Variants in PKD1 observed in about 807,000 individuals in gnomAD.
The protein encoded by PKD1 is polycystin 1, transient receptor potential channel interacting, also known as polycystin-1.
A neutral mutation model predicts 361.7 loss-of-function variants in PKD1; 81 were observed. That is an observed-to-expected ratio of 0.22 (90% CI 0.19 to 0.27). PKD1 has a LOEUF of 0.27. PKD1 is among the 10% of genes least tolerant of loss of function. PKD1 has a pLI of 1.00. For missense variants in PKD1, 6,399 were observed against 6,118.3 expected, an observed-to-expected ratio of 1.05 and a Z score of -1.53; for synonymous variants, 3,615 against 2,818.3, an observed-to-expected ratio of 1.28 and a Z score of -8.95.
At chr16:2,128,421 A>G (rs1370029673) in intron 1 of PKD1, among the ~76,000 whole-genome samples, 1 of 151,098 alleles carries the variant, frequency 6.6e-6, no homozygotes, top group Non-Finnish European at 1.5e-5. Flanking sequence ...GTGCAAGCAC[A>G]TCGCAGCCCG....
At chr16:2,113,653 C>T in intron 11 of PKD1, 1 of 408,908 alleles carries the variant, frequency 2.4e-6, no homozygotes. Context: ...GGGGAGGCAC[C>T]TACACTGGCT....
chr16:2,118,042 G>T lies in PKD1; in HGVS notation c.950C>A (p.Ala317Asp). The T allele has an allele frequency of 6.2e-7, 1 of 1,602,874 alleles. No individual in the cohort carries two copies. The highest frequency in any genetic ancestry group is 8.5e-7 in the Non-Finnish European group (1 of 1,178,944). The change falls in exon 5 of 46, where the codon GCT becomes GAT. Residue 317 changes from alanine (A) to aspartate (D), a missense_variant. Coordinates refer to ENST00000262304, the MANE Select transcript of PKD1 (RefSeq NM_001009944.3). The surrounding 1 kb of genome is among the most constrained non-coding windows in gnomAD (Gnocchi z 6.0). ...FGDGSAEVDA[A>D]GPAASHRYVL... ...ATAGCGATGCGAGGCAGCCGGCCCA[G>T]CGGCATCCACCTCGGCGGAGCCGTC...
In PKD1 at chr16:2,116,163, C is replaced by A. The variant is rs773310661; in HGVS notation, c.1723-45G>T. On this transcript the variant is annotated intron_variant, in intron 8 of 45. Transcript: ENST00000262304. ...CTCAGCTCCACAGACCCCATCCCAGCCTGAAGCCCAGACTCCCCCTACCCG... is the reference window on the plus strand; with the variant it reads ...CTCAGCTCCACAGACCCCATCCCAGACTGAAGCCCAGACTCCCCCTACCCG... The A allele has an allele frequency of 5.7e-5, 88 of 1,550,302 alleles. No homozygotes were observed. Among genetic ancestry groups the A allele is most frequent in the Admixed American group, 8.9e-5 (5 of 56,242 alleles).
Position 2,097,858 on chromosome 16 carries a change from G to A in PKD1, c.10167+10C>T, listed in dbSNP as rs765082209. ...CCAGCCCAGCCCAGGACCCCCAGTAGAGTCCTCACCTCAGCGTGGAGGCCT... is the reference window on the plus strand; with the variant it reads ...CCAGCCCAGCCCAGGACCCCCAGTAAAGTCCTCACCTCAGCGTGGAGGCCT... On this transcript the variant is annotated intron_variant, in intron 31 of 45. Transcript: ENST00000262304. 1 of 1,607,328 alleles carries A rather than the reference G, an allele frequency of 6.2e-7. No homozygotes were observed. Among genetic ancestry groups the A allele is most frequent in the Non-Finnish European group, 8.5e-7 (1 of 1,176,374 alleles).
At chr16:2,101,445 C>T (rs2092092976) in intron 26 of PKD1, among the ~76,000 whole-genome samples, 1 of 151,974 alleles carries the variant, frequency 6.6e-6, no homozygotes, top group African/African-American at 2.4e-5. Context: ...GTCAGGAGTT[C>T]GCCTGGCTGA....
intron 1 of PKD1, among the ~76,000 whole-genome samples, chr16:2,129,310 CACT>C (rs1292126883): frequency 6.6e-6 from 1 of 151,372 alleles, no homozygotes; most frequent in Non-Finnish European, 1.5e-5. Context: ...CAGGCGCCAC[CACT>C]AATATCTATT....
At position 2,090,940 on chromosome 16, in the gene PKD1, G is replaced by A. The variant is rs1232550438; in HGVS notation, c.11947C>T (p.Leu3983=). The A allele has an allele frequency of 3.2e-6, 5 of 1,572,206 alleles. No individual in the cohort carries two copies. The highest frequency in any genetic ancestry group is 3.4e-6 in the Non-Finnish European group (4 of 1,165,976). Residue 3983 remains leucine, a synonymous_variant, in exon 43 of 46, where the codon CTG becomes TTG. Transcript: ENST00000262304. ...RFTSFDQVAQ[L]SSAARGLAAS... is the part of the protein sequence containing the mutation. ...GCCAGGCCACGGGCTGCGGAGCTCA[G>A]CTGCGCCACCTGGTCGAAGCTAGTG...
intron 1 of PKD1, among the ~76,000 whole-genome samples, chr16:2,125,863 G>A (rs952105109): frequency 5.3e-5 from 8 of 152,186 alleles, no homozygotes; most frequent in African/African-American, 1.9e-4. Context: ...GGCAGGTGCT[G>A]CACTGACCTT....
chr16:2,092,689 C>G (rs1259252791), intron 38 of PKD1, 97 bp from the exon 39 acceptor site: 4 of 944,202 alleles, frequency 4.2e-6, no homozygotes, highest in Non-Finnish European at 6.7e-6. Context: ...CTCCCACTGC[C>G]CTGCTGGCCA....
intron 11 of PKD1, 32 bp downstream of exon 11, chr16:2,114,138 G>T (rs1474199289): frequency 3.8e-6 from 6 of 1,586,310 alleles, no homozygotes; most frequent in Non-Finnish European, 5.1e-6. Context: ...CACCTGCCTG[G>T]GGGCTGGTGG....
rs1162132889 is a variant in PKD1, at chr16:2,091,319, G to GCGGGGCCCTGCGA, written c.11712+103_11712+104insTCGCAGGGCCCCG. The GCGGGGCCCTGCGA allele has an allele frequency of 8.6e-6, 3 of 349,784 alleles. No homozygotes were observed. In the African/African-American group the frequency reaches 2.8e-4, roughly 33 times the overall value. The allele number at this position is 349,784 out of a possible 1,614,324, so 21.7% of individuals were successfully genotyped here. ...CTGCGAGGGGGCGGGACGCTGCGAGGGGGCGGGGCGCTGCGAGGGGTGAGA... is the reference window on the plus strand; with the variant it reads ...CTGCGAGGGGGCGGGACGCTGCGAGGCGGGGCCCTGCGAGGGCGGGGCGCTGCGAGGGGTGAGA... On this transcript the variant is annotated intron_variant, in intron 42 of 45. Transcript: ENST00000262304.
chr16:2,105,013 A>G (rs1320628293), intron 21 of PKD1, among the ~76,000 whole-genome samples: 3 of 77,114 alleles, frequency 3.9e-5, no homozygotes, highest in Non-Finnish European at 8.2e-5. Flanking sequence ...GGAGGAGGGG[A>G]GGGGCTAGGG....
In PKD1 at chr16:2,118,021, C is replaced by A. The variant is rs199476099; in HGVS notation, c.971G>T (p.Arg324Leu). The A allele has an allele frequency of 3.2e-3, 5,097 of 1,595,092 alleles. 22 individuals are homozygous for A. Among genetic ancestry groups the A allele is most frequent in the Non-Finnish European group, 3.8e-3 (4,447 of 1,175,510 alleles). Residue 324 changes from arginine (R) to leucine (L), a missense_variant, in exon 5 of 46, where the codon CGC becomes CTC. By Grantham distance (102) the Arg-to-Leu change is moderately radical (BLOSUM62 -2). Transcript: ENST00000262304. This position sits in a 1 kb window ranked among gnomAD's most constrained non-coding sequence, Gnocchi z 6.0. ...VDAAGPAASH[R>L]YVLPGRYHVT... ...GTGATAGCGCCCAGGCAGCACATAG[C>A]GATGCGAGGCAGCCGGCCCAGCGGC... is the stretch of plus-strand genomic sequence containing the variant.
chr16:2,100,547 G>A lies in PKD1; in HGVS notation c.9417C>T (p.Gly3139=). 6 of 1,610,354 alleles carry A rather than the reference G, an allele frequency of 3.7e-6. No homozygotes were observed. Among genetic ancestry groups the A allele is most frequent in the East Asian group, 2.2e-5 (1 of 44,872 alleles). ...GRGSGTTAHV[G]IMLYGVDSRS... is the part of the protein sequence containing the mutation. ...GGCTGTCCACCCCATACAGCATGAT[G>A]CCCACGTGGGCCGTGGTACCTGGGA... The change falls in exon 27 of 46, where the codon GGC becomes GGT. Residue 3139 remains glycine, a synonymous_variant. Transcript: ENST00000262304. This position sits in a 1 kb window ranked among gnomAD's most constrained non-coding sequence, Gnocchi z 4.4.
In PKD1 at chr16:2,104,573, G is replaced by C. The variant is rs143923681; in HGVS notation, c.8086C>G (p.Leu2696Val). The C allele has an allele frequency of 1.9e-5, 31 of 1,601,134 alleles. No homozygotes were observed. Among genetic ancestry groups the C allele is most frequent in the Admixed American group, 5.1e-5 (3 of 59,330 alleles). The part of the protein sequence containing the change: ...QTLHKLEAMM[L>V]ILQAETTAGT... ...GCGGTGGTCTCTGCCTGCAGGATGAGCATCATGGCCTCCAGCTTGTGCAGC... is the reference window on the plus strand; with the variant it reads ...GCGGTGGTCTCTGCCTGCAGGATGACCATCATGGCCTCCAGCTTGTGCAGC... Residue 2696 changes from leucine to valine, a missense_variant, in exon 22 of 46, where the codon CTC becomes GTC. By Grantham distance (32) the Leu-to-Val change is conservative (BLOSUM62 1). Transcript: ENST00000262304.
At chr16:2,129,725 T>C (rs552130835) in intron 1 of PKD1, among the ~76,000 whole-genome samples, 1 of 151,464 alleles carries the variant, frequency 6.6e-6, no homozygotes, top group African/African-American at 2.4e-5. Flanking sequence ...AATGTTCTTT[T>C]ATTTTTTAGA....
Position 2,118,240 on chromosome 16 carries a change from G to A in PKD1, c.752C>T (p.Pro251Leu). The change falls in exon 5 of 46, where the codon CCC becomes CTC. Residue 251 changes from proline to leucine, a missense_variant. Pro to Leu is a moderately conservative substitution (Grantham distance 98). Transcript: ENST00000262304. This position sits in a 1 kb window ranked among gnomAD's most constrained non-coding sequence, Gnocchi z 6.0. ...ACAGGTGGGGGCAGGAGGTGGCGGG[G>A]GGCCGGAGCAGAGGGACAGGCAGGC... ...SFACLSLCSG[P>L]PPPPAPTCRG... 2 of 1,531,332 alleles carry A rather than the reference G, an allele frequency of 1.3e-6. No homozygotes were observed. The highest frequency in any genetic ancestry group is 2.4e-5 in the South Asian group (2 of 84,298). 94.9% of individuals were successfully genotyped at this position (1,531,332 alleles called of 1,614,324 possible). A position where few individuals can be genotyped will look rare whatever the true frequency, so the allele number is the denominator to read the frequency against.
At chr16:2,102,703 A>G (rs2092146802) in intron 24 of PKD1, 70 bp from the exon 25 acceptor site, 6 of 1,608,304 alleles carry the variant, frequency 3.7e-6, no homozygotes, top group Non-Finnish European at 4.2e-6. Flanking sequence ...CTCAGAGCCC[A>G]TACCCGGTCC....
rs953718416 is a variant in PKD1, at chr16:2,106,336, G to T, written c.7490-32C>A. On this transcript the variant is annotated intron_variant, in intron 18 of 45. Transcript: ENST00000262304. The surrounding 1 kb of genome is among the most constrained non-coding windows in gnomAD (Gnocchi z 6.5). ...GACGGTCCCCACGGCATCACGGGAG[G>T]GCTCCGTGACGTCACAGAGTCGGGG... 3 of 1,602,748 alleles carry T rather than the reference G, an allele frequency of 1.9e-6. No homozygotes were observed. The highest frequency in any genetic ancestry group is 2.6e-6 in the Non-Finnish European group (3 of 1,173,948).
Sources: gnomAD v4.1 joint callset for allele counts (sites outside exome capture counted in the v4.1 genomes callset) on GRCh38, gnomAD v4.1.1 for gene constraint, Gnocchi (gnomAD v3.1) non-coding constraint, MANE v1.5 for transcripts, NCBI Gene and HGNC (gene_info 2026-07-23, HGNC 2026-07-21) for gene names.